CREB3L2: variants seen among roughly 807,000 people sequenced by gnomAD.
CREB3L2 encodes cyclic AMP-responsive element-binding protein 3-like protein 2.
CREB3L2 carries 23 observed loss-of-function variants against 57.2 expected under a neutral mutation model. The observed-to-expected ratio is 0.40, with a 90% CI of 0.29 to 0.57. The LOEUF is 0.57. Ranked by LOEUF, CREB3L2 falls within the 20% of genes least tolerant of loss-of-function variation. The pLI, the probability that CREB3L2 is intolerant of heterozygous loss-of-function variation, is 0.42. For missense variants in CREB3L2, 628 were observed against 634.7 expected (o/e 0.99, Z 0.11); for synonymous variants, 268 against 265.1 (o/e 1.01, Z -0.11).
At chr7:137,916,453 C>T (rs1242551267) in intron 2 of CREB3L2, among the ~76,000 whole-genome samples, 3 of 152,176 alleles carry the variant, frequency 2.0e-5, no homozygotes, top group Admixed American at 6.6e-5. Context: ...CAGTGGCTCA[C>T]GCAAGTAATC....
At chr7:137,967,693 C>T (rs768622525) in intron 1 of CREB3L2, among the ~76,000 whole-genome samples, 15 of 152,200 alleles carry the variant, frequency 9.9e-5, no homozygotes, top group Non-Finnish European at 1.8e-4. Context: ...TCCTGTGGCC[C>T]CTGCTCCCGA....
intron 1 of CREB3L2, among the ~76,000 whole-genome samples, chr7:137,961,202 G>C: frequency 8.8e-6 from 1 of 114,090 alleles, no homozygotes; most frequent in South Asian, 3.3e-4. Flanking sequence ...ACTGGGGGGT[G>C]GGGGGTGGGG....
rs373493579 is a variant in CREB3L2, at chr7:137,882,477, G to A, written c.1422C>T (p.Pro474=). The A allele has an allele frequency of 6.2e-7, 1 of 1,613,968 alleles. No homozygotes were observed. The highest frequency in any genetic ancestry group is 8.5e-7 in the Non-Finnish European group (1 of 1,179,884). The change falls in exon 11 of 12, where the codon CCC becomes CCT. Residue 474 remains proline, a synonymous_variant. Coordinates refer to ENST00000330387, the MANE Select transcript of CREB3L2 (RefSeq NM_194071.4). ...TGGTCTCATTCGAGATAATGAAATGGGGAAGATCCACATCCGGCCTGGACT... is the reference window on the plus strand; with the variant it reads ...TGGTCTCATTCGAGATAATGAAATGAGGAAGATCCACATCCGGCCTGGACT... ...GLESRPDVDL[P]HFIISNETSL... is the part of the protein sequence containing the mutation.
chr7:137,884,847 C>T (rs1214792635), intron 10 of CREB3L2, 148 bp downstream of exon 10: 1 of 1,128,516 alleles, frequency 8.9e-7, no homozygotes, highest in Admixed American at 1.7e-5. Context: ...CCAGGGGAAC[C>T]CCCACTTGCC....
At position 137,879,439 on chromosome 7, in the gene CREB3L2, A is replaced by G. The variant is rs1799237544; in HGVS notation, c.*1037T>C. 1 of 396,692 alleles carries G rather than the reference A, an allele frequency of 2.5e-6. No homozygotes were observed. Among genetic ancestry groups the G allele is most frequent in the Admixed American group, 4.0e-5 (1 of 24,932 alleles). The allele number at this position is 396,692 out of a possible 1,614,324, so 24.6% of individuals were successfully genotyped here. On this transcript the variant is annotated 3_prime_UTR_variant, in exon 12 of 12. Coordinates refer to ENST00000330387, the MANE Select transcript of CREB3L2 (RefSeq NM_194071.4). ...TCCCCTTCTCTGTCATGAAAACAGG[A>G]TAGAAAAAGCTTGTGGCCAGGGAGC...
chr7:137,937,165 CTGTA>C (rs1308364207), intron 1 of CREB3L2, among the ~76,000 whole-genome samples: 1 of 152,176 alleles, frequency 6.6e-6, no homozygotes, highest in Non-Finnish European at 1.5e-5. Context: ...GAAGAAGCCT[CTGTA>C]CTTAAAAATC....
intron 8 of CREB3L2, among the ~76,000 whole-genome samples, chr7:137,894,083 A>C (rs1221273529): frequency 1.3e-5 from 2 of 152,222 alleles, no homozygotes; most frequent in Admixed American, 1.3e-4. Flanking sequence ...GGATGCCAAG[A>C]TGGAAAGGCT....
intron 2 of CREB3L2, among the ~76,000 whole-genome samples, chr7:137,924,103 C>T (rs2117233578): frequency 6.6e-6 from 1 of 152,334 alleles, no homozygotes; most frequent in African/African-American, 2.4e-5. Context: ...CCTACCCAGC[C>T]ATCCCTTGCC....
In CREB3L2 at chr7:137,943,744, C is replaced by T. The variant is rs571707210; in HGVS notation, c.103-15378G>A. 7.9e-5 allele frequency among the ~76,000 whole-genome samples: 12 copies of T among 152,238 alleles called. No homozygotes were observed. In the South Asian group the frequency reaches 2.1e-3, roughly 26 times the overall value. On this transcript the variant is annotated intron_variant, in intron 1 of 11. Transcript: ENST00000330387. ...TTCAACCAGGCCATGTTGATATTGT[C>T]GATGAGATGATTCTTCATTAATGAG...
chr7:137,898,081 T>C (rs559246314), intron 8 of CREB3L2, among the ~76,000 whole-genome samples: 3 of 152,194 alleles, frequency 2.0e-5, no homozygotes, highest in East Asian at 1.9e-4. Flanking sequence ...AAACAACCAA[T>C]TTTAAAAAAT....
chr7:137,985,604 G>GA (rs1169760814), intron 1 of CREB3L2, among the ~76,000 whole-genome samples: 1 of 152,066 alleles, frequency 6.6e-6, no homozygotes, highest in Non-Finnish European at 1.5e-5. Flanking sequence ...TTTTCATTAG[G>GA]AAAAAATAAT....
At chr7:137,901,886 A>AAAAAAG (rs1554495243) in intron 7 of CREB3L2, among the ~76,000 whole-genome samples, 1 of 149,448 alleles carries the variant, frequency 6.7e-6, no homozygotes, top group Non-Finnish European at 1.5e-5. Flanking sequence ...AAAAAAAAAA[A>AAAAAAG]AAAAAAGAAA....
intron 1 of CREB3L2, among the ~76,000 whole-genome samples, chr7:137,941,999 TTCA>T (rs1170171139): frequency 5.3e-5 from 8 of 152,198 alleles, no homozygotes; most frequent in Non-Finnish European, 1.0e-4. Context: ...TCATTTTCAG[TTCA>T]TCAATTCATA....
In CREB3L2 at chr7:138,001,433, G is replaced by T. The variant is rs1231816554; in HGVS notation, c.102+171C>A. On this transcript the variant is annotated intron_variant, in intron 1 of 11. Coordinates refer to ENST00000330387, the MANE Select transcript of CREB3L2 (RefSeq NM_194071.4). The surrounding 1 kb of genome is among the most constrained non-coding windows in gnomAD (Gnocchi z 4.2). ...CATGAGAAATGTAAAGGGGCCAGCTGCCCGCCTTCATCTGCTCAGACATTA... is the reference window on the plus strand; with the variant it reads ...CATGAGAAATGTAAAGGGGCCAGCTTCCCGCCTTCATCTGCTCAGACATTA... 6.6e-6 allele frequency among the ~76,000 whole-genome samples: 1 copy of T among 152,226 alleles called. No individual in the cohort carries two copies. The highest frequency in any genetic ancestry group is 2.4e-5 in the African/African-American group (1 of 41,472).
intron 1 of CREB3L2, among the ~76,000 whole-genome samples, chr7:137,954,026 G>A (rs1033526934): frequency 1.3e-5 from 2 of 152,084 alleles, no homozygotes; most frequent in African/African-American, 4.8e-5. Flanking sequence ...CATTCTTCAC[G>A]GAGGAGACAA....
rs778297127 is a variant in CREB3L2, at chr7:138,001,566, C to T, written c.102+38G>A. 14 of 1,514,864 alleles carry T rather than the reference C, an allele frequency of 9.2e-6. No individual in the cohort carries two copies. In the South Asian group the frequency reaches 1.5e-4, roughly 17 times the overall value. 93.8% of individuals were successfully genotyped at this position (1,514,864 alleles called of 1,614,324 possible). On this transcript the variant is annotated intron_variant, in intron 1 of 11. Coordinates refer to ENST00000330387, the MANE Select transcript of CREB3L2 (RefSeq NM_194071.4). This position sits in a 1 kb window ranked among gnomAD's most constrained non-coding sequence, Gnocchi z 4.2. The stretch of plus-strand genomic sequence containing the variant: ...CTCCTCGCGTGACAACACTTGCCCG[C>T]TTTGAAAGCCCTCCTGCCCCGCCCG...
At chr7:137,903,120 G>GT (rs1320907680) in intron 7 of CREB3L2, among the ~76,000 whole-genome samples, 3 of 152,240 alleles carry the variant, frequency 2.0e-5, no homozygotes, top group Non-Finnish European at 4.4e-5. Context: ...GCCTATTGAA[G>GT]TTTTTTTCTG....
At chr7:137,979,945 T>C (rs927767120) in intron 1 of CREB3L2, among the ~76,000 whole-genome samples, 6 of 152,176 alleles carry the variant, frequency 3.9e-5, no homozygotes, top group African/African-American at 1.4e-4. Context: ...TCCATCTAGC[T>C]TGATCTGGCA....
intron 1 of CREB3L2, among the ~76,000 whole-genome samples, chr7:137,986,359 C>T (rs369712750): frequency 5.3e-5 from 8 of 152,284 alleles, no homozygotes; most frequent in Non-Finnish European, 8.8e-5. Flanking sequence ...ACAGGTATGC[C>T]GGGGAGTGCC....
Sources: allele counts gnomAD v4.1 joint callset (sites outside exome capture counted in the v4.1 genomes callset), GRCh38; gene constraint gnomAD v4.1.1; non-coding constraint Gnocchi (gnomAD v3.1); transcripts MANE v1.5; gene names NCBI Gene and HGNC (gene_info 2026-07-23, HGNC 2026-07-21).